TAFA4: variants seen among roughly 807,000 people sequenced by gnomAD.
TAFA4 encodes chemokine-like protein TAFA-4.
TAFA4 carries 20 observed loss-of-function variants against 21.1 expected under a neutral mutation model. The ratio of observed to expected loss-of-function variants is 0.95; its 90% confidence interval spans 0.67 to 1.38. The LOEUF (loss-of-function observed/expected upper bound fraction) is 1.38, where lower values mean the gene tolerates loss of function less well. Among genes scored for constraint, TAFA4 ranks in the 40% most tolerant of loss-of-function variants. The pLI, the probability that TAFA4 is intolerant of heterozygous loss-of-function variation, is 0.00. For synonymous variants in TAFA4, 71 were observed against 67.4 expected (o/e 1.05, Z -0.26); for missense variants, 211 against 180.9 (o/e 1.17, Z -0.95).
intron 3 of TAFA4, among the ~76,000 whole-genome samples, chr3:68,783,709 A>AGAG (rs1559519717): frequency 2.7e-4 from 19 of 71,488 alleles, no homozygotes; most frequent in East Asian, 1.7e-3. Context: ...GAGAGAGAGA[A>AGAG]AGAAAAAGAA....
intron 1 of TAFA4, among the ~76,000 whole-genome samples, chr3:68,926,461 T>C (rs2107033328): frequency 6.6e-6 from 1 of 152,274 alleles, no homozygotes; most frequent in East Asian, 1.9e-4. Context: ...CCTAGGGTGA[T>C]GAAAAGAACT....
At chr3:68,766,033 A>G (rs1489639926) in intron 3 of TAFA4, among the ~76,000 whole-genome samples, 1 of 152,210 alleles carries the variant, frequency 6.6e-6, no homozygotes, top group African/African-American at 2.4e-5. Context: ...AATATGAAAG[A>G]GACCAAAATA....
Position 68,832,642 on chromosome 3 carries a change from G to A in TAFA4, c.130+48088C>T, listed in dbSNP as rs374656682. Among the ~76,000 whole-genome samples the A allele has an allele frequency of 7.2e-5, 11 of 152,340 alleles. No homozygotes were observed. In the South Asian group the frequency reaches 1.2e-3, roughly 17 times the overall value. ...TCCCAGTCAGGCTACATGGGGGTCA[G>A]GGACCCACTTGAGGAGGCAGTCTGT... On this transcript the variant is annotated intron_variant, in intron 3 of 5. Coordinates refer to ENST00000295569, the MANE Select transcript of TAFA4 (RefSeq NM_182522.5).
chr3:68,784,904 C>T (rs560294500), intron 3 of TAFA4, among the ~76,000 whole-genome samples: 17 of 152,230 alleles, frequency 1.1e-4, no homozygotes, highest in Admixed American at 1.0e-3. Flanking sequence ...TTCTCCAAGT[C>T]CCCACCAGAG....
intron 4 of TAFA4, among the ~76,000 whole-genome samples, chr3:68,745,865 A>G (rs1305627428): frequency 6.6e-6 from 1 of 152,224 alleles, no homozygotes; most frequent in East Asian, 1.9e-4. Flanking sequence ...GATGGTTAAT[A>G]TTAAGTGTCA....
rs553098119 is a variant in TAFA4 at position 68,905,915 on chromosome 3, A to C, written c.-122-20605T>G. ...TTGTTGCTTTCTTTGTTTCTTGCTA[A>C]ACTGCCATCCACGGATCACTGAACG... is the stretch of plus-strand genomic sequence containing the variant. On this transcript the variant is annotated intron_variant, in intron 1 of 5. Transcript: ENST00000295569. Among the ~76,000 whole-genome samples the C allele has an allele frequency of 3.9e-5, 6 of 152,306 alleles. No homozygotes were observed. The South Asian group carries it at 1.2e-3, about 32-fold the overall frequency.
chr3:68,875,963 A>G (rs1280636107), intron 3 of TAFA4, among the ~76,000 whole-genome samples: 3 of 152,182 alleles, frequency 2.0e-5, no homozygotes, highest in African/African-American at 7.2e-5. Context: ...ATAAAACATA[A>G]AAGAAATTAA....
intron 3 of TAFA4, among the ~76,000 whole-genome samples, chr3:68,839,662 A>G (rs952874124): frequency 2.0e-5 from 3 of 152,164 alleles, no homozygotes; most frequent in Admixed American, 2.0e-4. Context: ...TCCCTGACAT[A>G]TGGCCTGGAG....
At chr3:68,778,730 C>T (rs1329997827) in intron 3 of TAFA4, among the ~76,000 whole-genome samples, 1 of 152,196 alleles carries the variant, frequency 6.6e-6, no homozygotes, top group Non-Finnish European at 1.5e-5. Flanking sequence ...TCCCCAGCCA[C>T]GTGGAACTGT....
chr3:68,747,230 A>G (rs538669684), intron 4 of TAFA4, among the ~76,000 whole-genome samples: 60 of 149,790 alleles, frequency 4.0e-4, no homozygotes, highest in Admixed American at 6.7e-4. Flanking sequence ...GTTTTTGCAC[A>G]CCCACTTGTG....
At chr3:68,810,100 C>T (rs1703799033) in intron 3 of TAFA4, among the ~76,000 whole-genome samples, 1 of 152,064 alleles carries the variant, frequency 6.6e-6, no homozygotes, top group Non-Finnish European at 1.5e-5. Context: ...TTTTTTCCTA[C>T]CTCTATAAAA....
chr3:68,788,459 A>G (rs1703302207), intron 3 of TAFA4, among the ~76,000 whole-genome samples: 1 of 152,084 alleles, frequency 6.6e-6, no homozygotes, highest in African/African-American at 2.4e-5. Context: ...CTGTGCAGAA[A>G]CTTTTAGTTT....
At chr3:68,799,319 C>G (rs1703522627) in intron 3 of TAFA4, among the ~76,000 whole-genome samples, 1 of 152,100 alleles carries the variant, frequency 6.6e-6, no homozygotes, top group Admixed American at 6.5e-5. Flanking sequence ...TGGAACAAAG[C>G]CCTCTCTCTG....
intron 3 of TAFA4, among the ~76,000 whole-genome samples, chr3:68,853,124 T>G (rs757169899): frequency 6.6e-6 from 1 of 152,208 alleles, no homozygotes; most frequent in Non-Finnish European, 1.5e-5. Flanking sequence ...GATTCCTGAA[T>G]AAGTAAATTA....
At chr3:68,804,698 G>A (rs1239437936) in intron 3 of TAFA4, among the ~76,000 whole-genome samples, 1 of 152,100 alleles carries the variant, frequency 6.6e-6, no homozygotes, top group Non-Finnish European at 1.5e-5. Context: ...AACAAGCAAT[G>A]GGGAAAGGAT....
At chr3:68,881,233 A>T (rs1460069605) in intron 2 of TAFA4, among the ~76,000 whole-genome samples, 1 of 152,188 alleles carries the variant, frequency 6.6e-6, no homozygotes, top group Non-Finnish European at 1.5e-5. Context: ...GAATCCATGG[A>T]GATTTTGCAC....
At chr3:68,885,991 A>C (rs2089669034) in intron 1 of TAFA4, among the ~76,000 whole-genome samples, 1 of 152,250 alleles carries the variant, frequency 6.6e-6, no homozygotes. Context: ...AGAAAAAAAC[A>C]GAACATGAAA....
intron 1 of TAFA4, among the ~76,000 whole-genome samples, chr3:68,909,797 T>G (rs2089941752): frequency 6.6e-6 from 1 of 152,224 alleles, no homozygotes; most frequent in South Asian, 2.1e-4. Context: ...TAATATACAT[T>G]TGTTATCTCA....
intron 3 of TAFA4, among the ~76,000 whole-genome samples, chr3:68,769,551 C>G (rs36038335): frequency 0.48 from 72,460 of 151,906 alleles, 17,717 homozygotes; most frequent in African/African-American, 0.56. Flanking sequence ...TTTCAAAATA[C>G]CTGGAAGAAA....
Sources: allele counts gnomAD v4.1 joint callset (sites outside exome capture counted in the v4.1 genomes callset), GRCh38; gene constraint gnomAD v4.1.1; transcripts MANE v1.5; gene names NCBI Gene and HGNC (gene_info 2026-07-23, HGNC 2026-07-21).